Variants in C3orf20 observed in about 807,000 individuals in gnomAD.
C3orf20 encodes family with sequence similarity 149 member C, also known as uncharacterized protein C3orf20.
In C3orf20, 76 loss-of-function variants were observed where a neutral mutation model predicts 88.3. That is an observed-to-expected ratio of 0.86 (90% confidence interval 0.72 to 1.04). The LOEUF is 1.04. Ranked by LOEUF, C3orf20 falls within the 50% of genes least tolerant of loss-of-function variation. The probability of loss-of-function intolerance (pLI) is 0.00; values close to 1 mark genes in which losing one functional copy is unlikely to be tolerated. For synonymous variants in C3orf20, 436 were observed against 437.4 expected (o/e 1.00, Z 0.04); for missense variants, 1,056 against 1,123.3 (o/e 0.94, Z 0.86).
At chr3:14,708,760 C>T (rs778037274) in intron 7 of C3orf20, among the ~76,000 whole-genome samples, 4 of 152,122 alleles carry the variant, frequency 2.6e-5, no homozygotes, top group Non-Finnish European at 5.9e-5. Flanking sequence ...TCTCCTGCCT[C>T]AGCCTCCCAG....
chr3:14,688,228 T>G (rs1401309414), intron 4 of C3orf20, among the ~76,000 whole-genome samples: 1 of 152,158 alleles, frequency 6.6e-6, no homozygotes, highest in East Asian at 1.9e-4. Context: ...TAGAGTTAAC[T>G]TCTTTTAAAG....
intron 9 of C3orf20, among the ~76,000 whole-genome samples, chr3:14,715,673 T>C (rs2033912032): frequency 6.6e-6 from 1 of 152,252 alleles, no homozygotes; most frequent in Non-Finnish European, 1.5e-5. Context: ...TGTGTAATTT[T>C]TATTATTAAT....
intron 12 of C3orf20, among the ~76,000 whole-genome samples, chr3:14,733,929 C>T (rs765333015): frequency 4.6e-5 from 7 of 152,154 alleles, no homozygotes; most frequent in African/African-American, 7.2e-5. Context: ...CCTCATGATC[C>T]GCCCACCTCG....
At chr3:14,754,419 G>A (rs2035304911) in intron 12 of C3orf20, among the ~76,000 whole-genome samples, 1 of 152,232 alleles carries the variant, frequency 6.6e-6, no homozygotes, top group African/African-American at 2.4e-5. Context: ...GGTGCACCAG[G>A]AACAGGGGCT....
intron 7 of C3orf20, 85 bp from the exon 8 acceptor site, chr3:14,713,922 T>C (rs2033842426): frequency 6.8e-7 from 1 of 1,470,744 alleles, no homozygotes; most frequent in African/African-American, 1.4e-5. Context: ...AGCTAACACT[T>C]TGACATGTGG....
At chr3:14,712,904 T>G (rs1019061181) in intron 7 of C3orf20, among the ~76,000 whole-genome samples, 33 of 152,204 alleles carry the variant, frequency 2.2e-4, no homozygotes, top group African/African-American at 8.0e-4. Context: ...TTTTGAAGAA[T>G]AATTTTGCTT....
At chr3:14,767,966 C>T (rs998761346) in intron 15 of C3orf20, among the ~76,000 whole-genome samples, 2 of 152,244 alleles carry the variant, frequency 1.3e-5, no homozygotes, top group Non-Finnish European at 2.9e-5. Context: ...GAAACGCAGA[C>T]CACACTACCA....
At chr3:14,737,653 G>C (rs1012582022) in intron 12 of C3orf20, among the ~76,000 whole-genome samples, 3 of 152,230 alleles carry the variant, frequency 2.0e-5, no homozygotes, top group Admixed American at 2.0e-4. Context: ...CTGAAGGTTA[G>C]AGTGGCAATG....
Position 14,707,576 on chromosome 3 carries a change from A to G in C3orf20, c.1160+2958A>G, listed in dbSNP as rs548397947. On this transcript the variant is annotated intron_variant, in intron 7 of 16. Coordinates refer to ENST00000253697, the MANE Select transcript of C3orf20 (RefSeq NM_032137.5). The stretch of plus-strand genomic sequence containing the variant: ...GTTGTCTTTCTTTAAAACAAGTTGT[A>G]AGGGTTCTTTACATATTGTGCATAG... Among the ~76,000 whole-genome samples the G allele has an allele frequency of 2.0e-5, 3 of 151,418 alleles. No individual in the cohort carries two copies. The East Asian group carries it at 5.9e-4, about 30-fold the overall frequency.
At chr3:14,736,594 T>C (rs2034718696) in intron 12 of C3orf20, among the ~76,000 whole-genome samples, 1 of 151,330 alleles carries the variant, frequency 6.6e-6, no homozygotes, top group Admixed American at 6.6e-5. Flanking sequence ...CCTGGCCTTT[T>C]TTTTTTTTGT....
At chr3:14,728,349 A>C (rs2034427613) in intron 11 of C3orf20, 90 bp from the exon 12 acceptor site, 7 of 1,533,116 alleles carry the variant, frequency 4.6e-6, no homozygotes, top group Non-Finnish European at 6.3e-6. Flanking sequence ...GGGGTGAGCC[A>C]AGGTGCACTT....
At chr3:14,682,448 G>A in intron 2 of C3orf20, 117 bp downstream of exon 2, 1 of 475,018 alleles carries the variant, frequency 2.1e-6, no homozygotes, top group East Asian at 3.7e-5. Flanking sequence ...CTTATCATCA[G>A]ACCTTTCCCA....
intron 12 of C3orf20, among the ~76,000 whole-genome samples, chr3:14,741,523 A>T (rs1434096454): frequency 6.6e-6 from 1 of 152,192 alleles, no homozygotes; most frequent in Admixed American, 6.5e-5. Flanking sequence ...CTTTAAATAT[A>T]CACTGTGTTG....
In C3orf20 at chr3:14,714,085, C is replaced by T. The variant is rs776143393; in HGVS notation, c.1239C>T (p.Asp413=). The T allele has an allele frequency of 1.2e-6, 2 of 1,614,162 alleles. No individual in the cohort carries two copies. Among genetic ancestry groups the T allele is most frequent in the Non-Finnish European group, 1.7e-6 (2 of 1,180,032 alleles). Residue 413 remains aspartate (D), a synonymous_variant, in exon 8 of 17, where the codon GAC becomes GAT. Coordinates refer to ENST00000253697, the MANE Select transcript of C3orf20 (RefSeq NM_032137.5). ...RGRTITCLFN[D]IPGFSLLALF... ...GAACCATCACCTGCCTCTTTAATGA[C>T]ATACCTGGATTCTCCTTGCTGGCCC... is the stretch of plus-strand genomic sequence containing the variant.
At chr3:14,713,923 T>G (rs1575117631) in intron 7 of C3orf20, 84 bp from the exon 8 acceptor site, 4 of 1,473,680 alleles carry the variant, frequency 2.7e-6, no homozygotes, top group East Asian at 2.3e-5. Flanking sequence ...GCTAACACTT[T>G]GACATGTGGA....
chr3:14,697,751 C>T (rs1197941669), intron 5 of C3orf20, among the ~76,000 whole-genome samples: 1 of 148,688 alleles, frequency 6.7e-6, no homozygotes, highest in Non-Finnish European at 1.5e-5. Flanking sequence ...ATGTTCCCCC[C>T]TCTGTGTGCA....
intron 15 of C3orf20, among the ~76,000 whole-genome samples, chr3:14,765,869 C>T (rs539639975): frequency 2.1e-3 from 322 of 152,336 alleles, no homozygotes; most frequent in Middle Eastern, 6.8e-3. Flanking sequence ...ACAAAGGAGT[C>T]GGACCATAGG....
At chr3:14,743,080 A>G (rs1371123512) in intron 12 of C3orf20, among the ~76,000 whole-genome samples, 1 of 151,852 alleles carries the variant, frequency 6.6e-6, no homozygotes, top group Non-Finnish European at 1.5e-5. Context: ...CAGTCCCCCA[A>G]AGTCTTAACT....
At chr3:14,728,380 C>CAGGG in intron 11 of C3orf20, 59 bp from the exon 12 acceptor site, 6 of 1,601,980 alleles carry the variant, frequency 3.7e-6, no homozygotes, top group Non-Finnish European at 4.3e-6. Context: ...AGTCTGGGAC[C>CAGGG]AGGGGCAGAG....
Sources: gnomAD v4.1 joint callset for allele counts (sites outside exome capture counted in the v4.1 genomes callset) on GRCh38, gnomAD v4.1.1 for gene constraint, MANE v1.5 for transcripts, NCBI Gene and HGNC (gene_info 2026-07-23, HGNC 2026-07-21) for gene names.